Variants in IQCM observed in about 807,000 individuals in gnomAD.
IQCM encodes IQ motif containing M.
IQCM carries 45 observed loss-of-function variants against 57.6 expected under a neutral mutation model. That is an observed-to-expected ratio of 0.78 (90% CI 0.62 to 1.00). IQCM has a LOEUF of 1.00. Among genes scored for constraint, IQCM ranks in the 50% least tolerant of loss-of-function variants. The pLI is 0.00. For synonymous variants in IQCM, 148 were observed against 158.9 expected (o/e 0.93, Z 0.51); for missense variants, 468 against 511.6 (o/e 0.91, Z 0.82).
At chr4:149,462,023 T>C (rs944797364) in intron 12 of IQCM, among the ~76,000 whole-genome samples, 7 of 152,194 alleles carry the variant, frequency 4.6e-5, no homozygotes, top group African/African-American at 1.4e-4. Context: ...TTACAGGCTT[T>C]ATGTATTACA....
intron 7 of IQCM, among the ~76,000 whole-genome samples, chr4:149,650,636 C>T (rs551062184): frequency 6.6e-5 from 10 of 152,112 alleles, no homozygotes; most frequent in South Asian, 2.1e-4. Flanking sequence ...ATGATACACC[C>T]ACCTCGACCT....
At chr4:149,763,287 A>T (rs191893602) in intron 2 of IQCM, among the ~76,000 whole-genome samples, 1 of 152,230 alleles carries the variant, frequency 6.6e-6, no homozygotes, top group Admixed American at 6.6e-5. Flanking sequence ...TATTAGTTGG[A>T]AAGATGGACA....
chr4:149,360,289 A>C (rs1729380404), intron 13 of IQCM, among the ~76,000 whole-genome samples: 2 of 152,238 alleles, frequency 1.3e-5, no homozygotes, highest in Admixed American at 1.3e-4. Flanking sequence ...AGTGCAATAC[A>C]TATTTATATG....
intron 7 of IQCM, among the ~76,000 whole-genome samples, chr4:149,639,318 C>A (rs1757986693): frequency 6.6e-6 from 1 of 151,526 alleles, no homozygotes; most frequent in African/African-American, 2.4e-5. Context: ...CCCATCTACT[C>A]AGGAGGCTGA....
intron 7 of IQCM, among the ~76,000 whole-genome samples, chr4:149,631,233 C>G (rs967648459): frequency 6.6e-6 from 1 of 152,142 alleles, no homozygotes; most frequent in Non-Finnish European, 1.5e-5. Context: ...AGAGAACTAT[C>G]GGACTCTTGC....
At chr4:149,762,762 G>T (rs947988545) in intron 2 of IQCM, among the ~76,000 whole-genome samples, 1 of 151,994 alleles carries the variant, frequency 6.6e-6, no homozygotes, top group Non-Finnish European at 1.5e-5. Context: ...TAAGTCAGGG[G>T]ATAAGGTTCT....
intron 8 of IQCM, among the ~76,000 whole-genome samples, chr4:149,620,588 C>T (rs1264436813): frequency 6.6e-6 from 1 of 152,212 alleles, no homozygotes; most frequent in African/African-American, 2.4e-5. Context: ...GTTTCTTCTA[C>T]TATTCACATG....
chr4:149,537,408 A>G lies in IQCM; in HGVS notation c.1228+11047T>C, dbSNP rs188686372. ...TGAATTTGAAGGCAGATTAATAGCT[A>G]TTATCCAATTTGAACAACCAAAGAA... On this transcript the variant is annotated intron_variant, in intron 12 of 13. Transcript: ENST00000636793. Among the ~76,000 whole-genome samples the G allele has an allele frequency of 2.5e-3, 385 of 152,074 alleles. 3 individuals are homozygous for G. The highest frequency in any genetic ancestry group is 6.6e-3 in the African/African-American group (275 of 41,548).
chr4:149,600,470 A>G (rs1754175251), intron 8 of IQCM, among the ~76,000 whole-genome samples: 1 of 152,228 alleles, frequency 6.6e-6, no homozygotes, highest in African/African-American at 2.4e-5. Flanking sequence ...CTATGAAAAT[A>G]GAATACAGTG....
chr4:149,443,612 G>C (rs2111348637), intron 12 of IQCM, among the ~76,000 whole-genome samples: 1 of 148,868 alleles, frequency 6.7e-6, no homozygotes, highest in South Asian at 2.1e-4. Flanking sequence ...TTAAAATAGA[G>C]CGCAATAAAA....
chr4:149,799,890 C>T (rs945636355), intron 2 of IQCM, among the ~76,000 whole-genome samples: 1 of 151,658 alleles, frequency 6.6e-6, no homozygotes, highest in Non-Finnish European at 1.5e-5. Flanking sequence ...AACCCAGGAC[C>T]TGATGGCTTC....
chr4:149,669,636 C>T (rs1456143702), intron 7 of IQCM, among the ~76,000 whole-genome samples: 1 of 152,122 alleles, frequency 6.6e-6, no homozygotes, highest in Non-Finnish European at 1.5e-5. Context: ...TTTAATCCAT[C>T]TTGAATTAAT....
intron 5 of IQCM, among the ~76,000 whole-genome samples, chr4:149,706,237 T>C (rs1764151119): frequency 6.6e-6 from 1 of 151,962 alleles, no homozygotes; most frequent in Non-Finnish European, 1.5e-5. Flanking sequence ...TTAGAGCAGC[T>C]GATAATTAAT....
intron 12 of IQCM, among the ~76,000 whole-genome samples, chr4:149,497,746 TTAA>T (rs1560916109): frequency 2.6e-4 from 16 of 62,684 alleles, no homozygotes; most frequent in East Asian, 7.2e-4. Context: ...GTATTTCACT[TTAA>T]AAAAAAAAAA....
At chr4:149,652,121 A>G (rs2150135876) in intron 7 of IQCM, among the ~76,000 whole-genome samples, 1 of 152,330 alleles carries the variant, frequency 6.6e-6, no homozygotes, top group South Asian at 2.1e-4. Context: ...CTACACAGCC[A>G]GGAAAAAGAA....
intron 2 of IQCM, among the ~76,000 whole-genome samples, chr4:149,799,764 T>C (rs1773437864): frequency 6.6e-6 from 1 of 150,962 alleles, no homozygotes; most frequent in Non-Finnish European, 1.5e-5. Context: ...TAAAACCTAC[T>C]AAGAATGAAT....
rs7678251 is a variant in IQCM at position 149,554,012 on chromosome 4, G to A, written c.949-725C>T. Reference sequence around the variant, plus strand: ...ATTTTACATTTTCTGGCTTATTAATGTCTCTATATATCTTTATTAATTCCT... The same window carrying A: ...ATTTTACATTTTCTGGCTTATTAATATCTCTATATATCTTTATTAATTCCT... On this transcript the variant is annotated intron_variant, in intron 10 of 13. Transcript: ENST00000636793. 8.8e-3 allele frequency among the ~76,000 whole-genome samples: 1,331 copies of A among 152,016 alleles called. 12 individuals carry two copies. The highest frequency in any genetic ancestry group is 0.03 in the African/African-American group (1,260 of 41,508).
At chr4:149,597,341 T>C (rs954297453) in intron 8 of IQCM, among the ~76,000 whole-genome samples, 19 of 152,038 alleles carry the variant, frequency 1.2e-4, no homozygotes, top group Admixed American at 3.9e-4. Flanking sequence ...ATGACTCACA[T>C]TTGTCTGATT....
At chr4:149,366,280 C>T (rs7698620) in intron 13 of IQCM, among the ~76,000 whole-genome samples, 1 of 151,672 alleles carries the variant, frequency 6.6e-6, no homozygotes, top group Non-Finnish European at 1.5e-5. Flanking sequence ...CTTGTGAAAA[C>T]CTAGGGTACA....
Sources: gnomAD v4.1 joint callset for allele counts (sites outside exome capture counted in the v4.1 genomes callset) on GRCh38, gnomAD v4.1.1 for gene constraint, MANE v1.5 for transcripts, NCBI Gene and HGNC (gene_info 2026-07-23, HGNC 2026-07-21) for gene names.